The following TBC1D21 variants were observed in gnomAD, a reference collection of about 807,000 sequenced individuals.
The protein encoded by TBC1D21 is male germ cell Rab GTPase-activating protein.
A neutral mutation model predicts 46.0 loss-of-function variants in TBC1D21; 38 were observed. That is an observed-to-expected ratio of 0.83 (90% CI 0.64 to 1.08). The LOEUF (loss-of-function observed/expected upper bound fraction) is 1.08, where lower values mean the gene tolerates loss of function less well. Ranked by LOEUF, TBC1D21 falls within the 50% of genes least tolerant of loss-of-function variation. The pLI is 0.00. For missense variants in TBC1D21, 415 were observed against 417.9 expected (o/e 0.99, Z 0.06); for synonymous variants, 151 against 157.2 (o/e 0.96, Z 0.29).
At position 73,883,366 on chromosome 15, in the gene TBC1D21, C is replaced by T. The variant is rs145287158; in HGVS notation, c.273-785C>T. On this transcript the variant is annotated intron_variant, in intron 3 of 10. Transcript: ENST00000300504. ...TTCCGACAACAGAAACCTGTCTTCT[C>T]GCAGTTCTGGAGCCAGAAGCCCAAA... Among the ~76,000 whole-genome samples the T allele has an allele frequency of 3.6e-3, 552 of 152,344 alleles. 1 individual carries two copies. The highest frequency in any genetic ancestry group is 4.3e-3 in the Non-Finnish European group (293 of 68,024).
chr15:73,886,664 G>A (rs1477477872), intron 8 of TBC1D21, 52 bp downstream of exon 8: 1 of 1,547,484 alleles, frequency 6.5e-7, no homozygotes, highest in Non-Finnish European at 8.9e-7. Context: ...ATCAGGCAGA[G>A]TGGAAGCTGC....
At chr15:73,898,880 A>AAAAAATAT in the TBC1D21 span, among the ~76,000 whole-genome samples, 7 of 56,800 alleles carry the variant, frequency 1.2e-4, no homozygotes, top group African/African-American at 3.2e-4. Flanking sequence ...AAAAAAAAAA[A>AAAAAATAT]ATATATATAT....
At chr15:73,876,543 G>A (rs1406641221) in intron 1 of TBC1D21, among the ~76,000 whole-genome samples, 2 of 151,660 alleles carry the variant, frequency 1.3e-5, no homozygotes, top group Non-Finnish European at 1.5e-5. Flanking sequence ...GCGCCCGGCC[G>A]AAGCAGTGAC....
At chr15:73,888,101 T>A (rs1342254641) in intron 9 of TBC1D21, among the ~76,000 whole-genome samples, 1 of 152,130 alleles carries the variant, frequency 6.6e-6, no homozygotes, top group African/African-American at 2.4e-5. Flanking sequence ...TCCACCATTT[T>A]AAAAAAGCTA....
At position 73,885,873 on chromosome 15, in the gene TBC1D21, C is replaced by A. The variant is rs559403811; in HGVS notation, c.580-205C>A. 2.0e-5 allele frequency among the ~76,000 whole-genome samples: 3 copies of A among 151,992 alleles called. No homozygotes were observed. The South Asian group carries it at 6.2e-4, about 32-fold the overall frequency. On this transcript the variant is annotated intron_variant, in intron 6 of 10. Transcript: ENST00000300504. ...GCCACCCAGAGGCGTACAACATATA[C>A]AGACAAACTTGCATACACAGATCAC...
the TBC1D21 span, among the ~76,000 whole-genome samples, chr15:73,904,550 G>A: frequency 6.6e-6 from 1 of 152,198 alleles, no homozygotes; most frequent in Non-Finnish European, 1.5e-5. Flanking sequence ...CCCGCCATGT[G>A]CCATAATCCT....
At chr15:73,875,037 G>A (rs1318529783) in intron 1 of TBC1D21, among the ~76,000 whole-genome samples, 2 of 152,044 alleles carry the variant, frequency 1.3e-5, no homozygotes, top group East Asian at 1.9e-4. Flanking sequence ...ACCTGAGGTC[G>A]CGAGTTCAAG....
At chr15:73,905,032 G>C in the TBC1D21 span, among the ~76,000 whole-genome samples, 2 of 152,210 alleles carry the variant, frequency 1.3e-5, no homozygotes, top group Non-Finnish European at 2.9e-5. Flanking sequence ...AACAAAGACC[G>C]TAGCAGCAGA....
the TBC1D21 span, among the ~76,000 whole-genome samples, chr15:73,894,338 G>T: frequency 6.6e-6 from 1 of 152,224 alleles, no homozygotes; most frequent in Non-Finnish European, 1.5e-5. Flanking sequence ...AAGCCCCACC[G>T]ATGGGCCGAG....
At chr15:73,882,688 G>C (rs2068175876) in intron 3 of TBC1D21, among the ~76,000 whole-genome samples, 1 of 152,204 alleles carries the variant, frequency 6.6e-6, no homozygotes, top group African/African-American at 2.4e-5. Context: ...CTTCAGTGCT[G>C]AAGTCTCAGT....
the TBC1D21 span, among the ~76,000 whole-genome samples, chr15:73,894,934 C>T: frequency 2.0e-5 from 3 of 152,202 alleles, no homozygotes; most frequent in South Asian, 2.1e-4. Flanking sequence ...CCCTGGTGCT[C>T]GCTGAGCTTG....
chr15:73,886,425 A>G, intron 7 of TBC1D21, 87 bp from the exon 8 acceptor site: 1 of 1,209,684 alleles, frequency 8.3e-7, no homozygotes, highest in Non-Finnish European at 1.2e-6. Context: ...AGTGTTTTGC[A>G]GGCTCTGTAG....
chr15:73,885,799 C>A (rs1489625099), intron 6 of TBC1D21, among the ~76,000 whole-genome samples: 1 of 139,970 alleles, frequency 7.1e-6, no homozygotes, highest in Admixed American at 7.6e-5. Context: ...AGTTGAGAAT[C>A]TCTACTACAC....
intron 6 of TBC1D21, 37 bp downstream of exon 6, chr15:73,885,140 C>CA: frequency 6.4e-7 from 1 of 1,556,686 alleles, no homozygotes; most frequent in Non-Finnish European, 8.8e-7. Flanking sequence ...CGCCCCTCCC[C>CA]AACCCCCCAC....
intron 1 of TBC1D21, among the ~76,000 whole-genome samples, chr15:73,876,256 C>A: frequency 1.0e-5 from 1 of 97,698 alleles, no homozygotes; most frequent in Non-Finnish European, 1.9e-5. Context: ...GAGACGGAGT[C>A]TTGCTCTGTC....
At chr15:73,882,697 G>A (rs1694009024) in intron 3 of TBC1D21, among the ~76,000 whole-genome samples, 1 of 152,218 alleles carries the variant, frequency 6.6e-6, no homozygotes, top group South Asian at 2.1e-4. Context: ...TGAAGTCTCA[G>A]TCTCCTCCTC....
At chr15:73,884,009 G>A in intron 3 of TBC1D21, 142 bp from the exon 4 acceptor site, 1 of 723,678 alleles carries the variant, frequency 1.4e-6, no homozygotes, top group Non-Finnish European at 2.5e-6. Flanking sequence ...GTTGAGATGA[G>A]GGACAGCATC....
chr15:73,883,565 G>A (rs888003468), intron 3 of TBC1D21, among the ~76,000 whole-genome samples: 1 of 152,080 alleles, frequency 6.6e-6, no homozygotes, highest in Admixed American at 6.6e-5. Flanking sequence ...TTGGATTTGG[G>A]GTCCACCTGG....
At chr15:73,883,347 C>T (rs2068187413) in intron 3 of TBC1D21, among the ~76,000 whole-genome samples, 1 of 152,224 alleles carries the variant, frequency 6.6e-6, no homozygotes, top group Non-Finnish European at 1.5e-5. Flanking sequence ...TGGCTTCCGA[C>T]AACAGAAACC....
Sources: gnomAD v4.1 joint callset for allele counts (sites outside exome capture counted in the v4.1 genomes callset) on GRCh38, gnomAD v4.1.1 for gene constraint, MANE v1.5 for transcripts, NCBI Gene and HGNC (gene_info 2026-07-23, HGNC 2026-07-21) for gene names.